PPP4R2: variants seen among roughly 807,000 people sequenced by gnomAD.
PPP4R2 encodes the protein serine/threonine-protein phosphatase 4 regulatory subunit 2.
A neutral mutation model predicts 47.2 loss-of-function variants in PPP4R2; 13 were observed. The observed-to-expected ratio is 0.28, with a 90% CI of 0.18 to 0.44. PPP4R2 has a LOEUF of 0.44. Among genes scored for constraint, PPP4R2 ranks in the 20% least tolerant of loss-of-function variants. The pLI is 1.00. For synonymous variants in PPP4R2, 151 were observed against 163.3 expected (o/e 0.92, Z 0.57); for missense variants, 421 against 491.2 (o/e 0.86, Z 1.35).
At chr3:73,043,290 A>G (rs551986969) in intron 2 of PPP4R2, among the ~76,000 whole-genome samples, 2 of 123,890 alleles carry the variant, frequency 1.6e-5, no homozygotes, top group East Asian at 2.2e-4. Flanking sequence ...AGGCATATCA[A>G]AAATTCTGTG....
chr3:73,006,226 G>A (rs1701607266), intron 2 of PPP4R2, among the ~76,000 whole-genome samples: 1 of 136,076 alleles, frequency 7.3e-6, no homozygotes, highest in Admixed American at 8.0e-5. Flanking sequence ...TTGAGATGGA[G>A]TGTCGCCCTG....
At position 73,049,372 on chromosome 3, in the gene PPP4R2, G is replaced by A. The variant is rs143538978; in HGVS notation, c.287+2016G>A. 1.1e-3 allele frequency among the ~76,000 whole-genome samples: 172 copies of A among 152,062 alleles called. 1 individual carries two copies. Among genetic ancestry groups the A allele is most frequent in the African/African-American group, 3.6e-3 (149 of 41,480 alleles). On this transcript the variant is annotated intron_variant, in intron 3 of 8. Coordinates refer to ENST00000356692, the MANE Select transcript of PPP4R2 (RefSeq NM_174907.4). ...AAATCAGCTGGGCGTTGTCGCGGAC[G>A]CCCATAATCCCAGCTACTCGGGAGA...
At chr3:72,996,808 A>C, upstream of PPP4R2, 1 of 375,570 alleles carries the variant, frequency 2.7e-6, no homozygotes. Context: ...GCGGTGACGT[A>C]CCGGGCGCCA....
chr3:73,028,167 G>A (rs1307666065), intron 2 of PPP4R2, among the ~76,000 whole-genome samples: 2 of 149,510 alleles, frequency 1.3e-5, no homozygotes, highest in African/African-American at 2.5e-5. Flanking sequence ...TGAGGCAGGA[G>A]AATAGCTTGA....
chr3:73,037,841 G>A (rs1702296726), intron 2 of PPP4R2, among the ~76,000 whole-genome samples: 1 of 152,130 alleles, frequency 6.6e-6, no homozygotes, highest in Non-Finnish European at 1.5e-5. Flanking sequence ...AAGTGTTTAT[G>A]ATGTTTTATT....
At chr3:73,010,337 C>G (rs1701697351) in intron 2 of PPP4R2, among the ~76,000 whole-genome samples, 2 of 152,108 alleles carry the variant, frequency 1.3e-5, no homozygotes, top group South Asian at 4.1e-4. Context: ...ATCCTCCTGC[C>G]TCAGCCCCCG....
At position 73,047,316 on chromosome 3, in the gene PPP4R2, A is replaced by G; in HGVS notation, c.247A>G (p.Met83Val). Residue 83 changes from methionine to valine, a missense_variant, in exon 3 of 9, where the codon ATG becomes GTG. Physicochemically the swap from Met to Val is conservative, Grantham distance 21 (BLOSUM62 1). This residue lies in a region of PPP4R2 where 104 missense variants were observed against 203.7 expected (regional missense o/e 0.51). Transcript: ENST00000356692. The part of the protein sequence containing the change: ...PNVEYIPFDE[M>V]KERILKIVTG... ...TGTCGAATATATTCCCTTTGATGAA[A>G]TGAAGGAAAGAATACTGAAAATTGT... 6.2e-7 allele frequency: 1 copy of G among 1,612,270 alleles called. No individual in the cohort carries two copies. Among genetic ancestry groups the G allele is most frequent in the South Asian group, 1.1e-5 (1 of 90,756 alleles).
chr3:73,053,233 TACAC>T (rs1276190270), intron 3 of PPP4R2, among the ~76,000 whole-genome samples: 1 of 152,196 alleles, frequency 6.6e-6, no homozygotes, highest in Non-Finnish European at 1.5e-5. Flanking sequence ...CTCTCTCACA[TACAC>T]AAACCCACAC....
intron 1 of PPP4R2, 103 bp from the exon 2 acceptor site, chr3:72,997,974 T>C: frequency 1.2e-6 from 1 of 805,644 alleles, no homozygotes; most frequent in Non-Finnish European, 2.1e-6. Flanking sequence ...TTTTTAATTT[T>C]GTATTTAATT....
intron 2 of PPP4R2, among the ~76,000 whole-genome samples, chr3:73,019,249 G>T (rs1393855173): frequency 6.6e-6 from 1 of 152,162 alleles, no homozygotes; most frequent in Non-Finnish European, 1.5e-5. Flanking sequence ...AGTGCACTCT[G>T]TGATGTTCAC....
intron 2 of PPP4R2, among the ~76,000 whole-genome samples, chr3:73,036,753 T>C (rs1186417665): frequency 6.6e-6 from 1 of 152,198 alleles, no homozygotes; most frequent in Non-Finnish European, 1.5e-5. Context: ...ACTTACGTGA[T>C]TGGCATTTTT....
intron 2 of PPP4R2, among the ~76,000 whole-genome samples, chr3:73,015,376 C>T (rs1277170126): frequency 6.6e-6 from 1 of 151,886 alleles, no homozygotes; most frequent in Non-Finnish European, 1.5e-5. Context: ...AGGGTTTTGC[C>T]ATGTTGGCCA....
chr3:73,062,158 A>G (rs757205118), intron 5 of PPP4R2: 4 of 1,549,378 alleles, frequency 2.6e-6, no homozygotes, highest in African/African-American at 1.4e-5. Context: ...AGATCTTACA[A>G]AAGATCTTTT....
At chr3:73,004,734 C>T (rs1386423638) in intron 2 of PPP4R2, among the ~76,000 whole-genome samples, 1 of 152,158 alleles carries the variant, frequency 6.6e-6, no homozygotes, top group Non-Finnish European at 1.5e-5. Flanking sequence ...AGAGGTGTCA[C>T]CATGCCTGGC....
chr3:73,050,189 T>G (rs903218323), intron 3 of PPP4R2, among the ~76,000 whole-genome samples: 2 of 152,108 alleles, frequency 1.3e-5, no homozygotes, highest in African/African-American at 2.4e-5. Context: ...GGTCTGGAAC[T>G]CCTGACCTCA....
At chr3:72,999,925 C>T (rs1411226221) in intron 2 of PPP4R2, among the ~76,000 whole-genome samples, 1 of 152,184 alleles carries the variant, frequency 6.6e-6, no homozygotes. Flanking sequence ...TTCTTTTTAT[C>T]AACATGGCAT....
At chr3:73,011,803 C>G (rs1201910224) in intron 2 of PPP4R2, among the ~76,000 whole-genome samples, 1 of 152,148 alleles carries the variant, frequency 6.6e-6, no homozygotes, top group Non-Finnish European at 1.5e-5. Flanking sequence ...TCTAAGCTTT[C>G]TATTTAATAT....
At chr3:73,029,423 A>T (rs1702127756) in intron 2 of PPP4R2, among the ~76,000 whole-genome samples, 1 of 152,232 alleles carries the variant, frequency 6.6e-6, no homozygotes, top group African/African-American at 2.4e-5. Context: ...GTTAAGAATT[A>T]GTCACATTGT....
chr3:73,048,917 A>G (rs1318968132), intron 3 of PPP4R2, among the ~76,000 whole-genome samples: 2 of 152,168 alleles, frequency 1.3e-5, no homozygotes, highest in Non-Finnish European at 2.9e-5. Context: ...TGTTACAAAA[A>G]TATTTTGTGG....
Sources: allele counts gnomAD v4.1 joint callset (sites outside exome capture counted in the v4.1 genomes callset), GRCh38; gene constraint gnomAD v4.1.1; regional missense constraint gnomAD v4.1.1; transcripts MANE v1.5; gene names NCBI Gene and HGNC (gene_info 2026-07-23, HGNC 2026-07-21).